CNTN4: variants seen among roughly 807,000 people sequenced by gnomAD.
CNTN4 encodes contactin-4.
Under a neutral mutation model 122.5 loss-of-function variants are expected in CNTN4, and 77 were observed. That is an observed-to-expected ratio of 0.63 (90% CI 0.52 to 0.76). The LOEUF (loss-of-function observed/expected upper bound fraction) is 0.76, where lower values mean the gene tolerates loss of function less well. Among genes scored for constraint, CNTN4 ranks in the 30% least tolerant of loss-of-function variants. The pLI is 0.00. For missense variants in CNTN4, 1,256 were observed against 1,259.1 expected (o/e 1.00, Z 0.04); for synonymous variants, 512 against 447.0 (o/e 1.15, Z -1.83).
intron 6 of CNTN4, among the ~76,000 whole-genome samples, chr3:2,793,042 A>G (rs1373379187): frequency 6.6e-6 from 1 of 152,224 alleles, no homozygotes; most frequent in Non-Finnish European, 1.5e-5. Flanking sequence ...GCTGAGGAGC[A>G]GCAAGTTCAG....
chr3:2,452,024 T>TGGCAAA, intron 3 of CNTN4, among the ~76,000 whole-genome samples: 1 of 152,186 alleles, frequency 6.6e-6, no homozygotes, highest in East Asian at 1.9e-4. Context: ...ATTCAAACTC[T>TGGCAAA]TAATTTAGAG....
At chr3:2,657,911 T>C (rs1185479491) in intron 4 of CNTN4, among the ~76,000 whole-genome samples, 2 of 151,330 alleles carry the variant, frequency 1.3e-5, no homozygotes, top group Non-Finnish European at 2.9e-5. Context: ...CAGATAACAC[T>C]GACAAATTAT....
intron 6 of CNTN4, among the ~76,000 whole-genome samples, chr3:2,815,061 A>C (rs2092696833): frequency 6.6e-6 from 1 of 152,234 alleles, no homozygotes; most frequent in Non-Finnish European, 1.5e-5. Context: ...CTGGATCCTC[A>C]TCTCTCACCT....
intron 6 of CNTN4, among the ~76,000 whole-genome samples, chr3:2,756,790 A>C (rs1330645445): frequency 1.3e-5 from 2 of 152,166 alleles, no homozygotes; most frequent in Non-Finnish European, 2.9e-5. Flanking sequence ...AAGCCACCAG[A>C]AGCTAGAAGA....
chr3:2,189,230 AG>A (rs1425582093), intron 2 of CNTN4, among the ~76,000 whole-genome samples: 6 of 152,184 alleles, frequency 3.9e-5, no homozygotes, highest in Non-Finnish European at 5.9e-5. Context: ...GTGCCCAGGC[AG>A]GGGTCTGTGA....
intron 2 of CNTN4, among the ~76,000 whole-genome samples, chr3:2,133,680 A>G (rs1303814142): frequency 1.3e-5 from 2 of 152,228 alleles, no homozygotes; most frequent in African/African-American, 2.4e-5. Flanking sequence ...TGGACAAATG[A>G]AAGCCCTTGA....
At chr3:2,448,788 C>T (rs1042619816) in intron 3 of CNTN4, among the ~76,000 whole-genome samples, 1 of 152,164 alleles carries the variant, frequency 6.6e-6, no homozygotes, top group Non-Finnish European at 1.5e-5. Context: ...CCCAGGTGTC[C>T]TCACCTGTTA....
At chr3:2,794,927 A>G (rs911371918) in intron 6 of CNTN4, among the ~76,000 whole-genome samples, 3 of 152,070 alleles carry the variant, frequency 2.0e-5, no homozygotes, top group Non-Finnish European at 4.4e-5. Flanking sequence ...TGAGAGCCCC[A>G]TGCTCATGAT....
At chr3:2,183,881 G>T (rs141524054) in intron 2 of CNTN4, among the ~76,000 whole-genome samples, 3 of 152,040 alleles carry the variant, frequency 2.0e-5, no homozygotes, top group African/African-American at 7.2e-5. Context: ...AAACAAATAC[G>T]TTTGGAAAAA....
chr3:2,383,010 G>T (rs1295807668), intron 3 of CNTN4, among the ~76,000 whole-genome samples: 1 of 151,918 alleles, frequency 6.6e-6, no homozygotes, highest in Non-Finnish European at 1.5e-5. Context: ...GGGAGGCGGA[G>T]GTTGCAGTGA....
At chr3:2,978,429 C>A (rs7356030) in intron 13 of CNTN4, among the ~76,000 whole-genome samples, 2 of 152,000 alleles carry the variant, frequency 1.3e-5, no homozygotes, top group African/African-American at 4.8e-5. Flanking sequence ...CAGGCATAGA[C>A]GGGAGCTAGA....
intron 3 of CNTN4, among the ~76,000 whole-genome samples, chr3:2,508,155 G>C (rs561444452): frequency 6.6e-6 from 1 of 152,078 alleles, no homozygotes; most frequent in Non-Finnish European, 1.5e-5. Context: ...CCATACTTTT[G>C]GCTTACTTCT....
intron 2 of CNTN4, among the ~76,000 whole-genome samples, chr3:2,125,747 C>CG (rs1420007644): frequency 6.6e-6 from 1 of 151,502 alleles, no homozygotes; most frequent in Non-Finnish European, 1.5e-5. Flanking sequence ...TTAGTAGAGA[C>CG]GGGTTTTACC....
chr3:2,735,037 T>TAC (rs1324509318), intron 4 of CNTN4, among the ~76,000 whole-genome samples: 3 of 152,348 alleles, frequency 2.0e-5, no homozygotes, highest in African/African-American at 7.2e-5. Flanking sequence ...GTGTTATATA[T>TAC]ACCACTGTAC....
chr3:2,401,227 T>C (rs2046845715), intron 3 of CNTN4, among the ~76,000 whole-genome samples: 1 of 152,150 alleles, frequency 6.6e-6, no homozygotes, highest in African/African-American at 2.4e-5. Flanking sequence ...GAGAACATTT[T>C]GTTCATTCCA....
intron 3 of CNTN4, among the ~76,000 whole-genome samples, chr3:2,437,392 A>G (rs1483134007): frequency 3.3e-5 from 5 of 152,176 alleles, no homozygotes; most frequent in South Asian, 2.1e-4. Flanking sequence ...TCTTCTTGCC[A>G]TGTGATGAAT....
rs138596868 is a variant in CNTN4 at position 2,602,375 on chromosome 3, G to A, written c.55+30817G>A. Among the ~76,000 whole-genome samples, 926 of 152,298 alleles carry A rather than the reference G, an allele frequency of 6.1e-3. 15 individuals are homozygous for A. The highest frequency in any genetic ancestry group is 0.021 in the African/African-American group (872 of 41,564). On this transcript the variant is annotated intron_variant, in intron 4 of 24. Coordinates refer to ENST00000418658, the MANE Select transcript of CNTN4 (RefSeq NM_175607.3). ...TCTCAGCCCCAAATCTCTTTAAGCT[G>A]ATGAAGAACTTCAGCAAAATCTCAG...
intron 4 of CNTN4, among the ~76,000 whole-genome samples, chr3:2,572,037 A>G (rs1249689513): frequency 2.0e-5 from 3 of 152,188 alleles, no homozygotes; most frequent in Non-Finnish European, 1.5e-5. Flanking sequence ...CTAGAAAGCA[A>G]AACACAGGAG....
chr3:2,551,099 A>G (rs1398138474), intron 3 of CNTN4, among the ~76,000 whole-genome samples: 1 of 151,952 alleles, frequency 6.6e-6, no homozygotes, highest in Non-Finnish European at 1.5e-5. Context: ...CTTAAAATAT[A>G]ATAAAAAAAA....
Sources: gnomAD v4.1 joint callset for allele counts (sites outside exome capture counted in the v4.1 genomes callset) on GRCh38, gnomAD v4.1.1 for gene constraint, MANE v1.5 for transcripts, NCBI Gene and HGNC (gene_info 2026-07-23, HGNC 2026-07-21) for gene names.